The following UNC5C variants were observed in gnomAD, a reference collection of about 807,000 sequenced individuals.
UNC5C encodes the protein netrin receptor UNC5C.
In UNC5C, 47 loss-of-function variants were observed where a neutral mutation model predicts 99.8. The observed-to-expected ratio is 0.47, with a 90% CI of 0.37 to 0.60. The LOEUF is 0.60. UNC5C is among the 20% of genes least tolerant of loss of function. The probability of loss-of-function intolerance (pLI) is 0.00; values close to 1 mark genes in which losing one functional copy is unlikely to be tolerated. For synonymous variants in UNC5C, 487 were observed against 452.2 expected, an observed-to-expected ratio of 1.08 and a Z score of -0.98; for missense variants, 1,062 against 1,165.9, an observed-to-expected ratio of 0.91 and a Z score of 1.30.
chr4:95,397,263 A>T (rs1338482275), intron 1 of UNC5C, among the ~76,000 whole-genome samples: 1 of 152,266 alleles, frequency 6.6e-6, no homozygotes, highest in Non-Finnish European at 1.5e-5. Context: ...TGCTTTACAC[A>T]AAACAAAAAT....
chr4:95,243,406 T>G (rs1739394757), intron 6 of UNC5C, among the ~76,000 whole-genome samples: 1 of 152,150 alleles, frequency 6.6e-6, no homozygotes, highest in Admixed American at 6.5e-5. Context: ...TGAAAAAAGA[T>G]ATAGTAAATT....
intron 1 of UNC5C, among the ~76,000 whole-genome samples, chr4:95,449,797 T>C (rs866885686): frequency 6.6e-6 from 1 of 152,240 alleles, no homozygotes; most frequent in Non-Finnish European, 1.5e-5. Context: ...CTTATATTTA[T>C]TGAAACAATA....
At chr4:95,320,628 A>T (rs1230727306) in intron 2 of UNC5C, among the ~76,000 whole-genome samples, 1 of 152,204 alleles carries the variant, frequency 6.6e-6, no homozygotes, top group Non-Finnish European at 1.5e-5. Flanking sequence ...CTATAGCAAC[A>T]CAATCACTAA....
At chr4:95,541,379 T>A (rs1722915368) in intron 1 of UNC5C, among the ~76,000 whole-genome samples, 1 of 152,122 alleles carries the variant, frequency 6.6e-6, no homozygotes, top group Admixed American at 6.5e-5. Flanking sequence ...AAAAAAGCAG[T>A]GTAGATGGGA....
chr4:95,544,264 TG>T (rs997277383), intron 1 of UNC5C, among the ~76,000 whole-genome samples: 13 of 152,296 alleles, frequency 8.5e-5, no homozygotes, highest in African/African-American at 3.1e-4. Flanking sequence ...ACTGACAGAA[TG>T]GGCATACACC....
Position 95,165,120 on chromosome 4 carries a change from A to C in UNC5C, c.*4114T>G, listed in dbSNP as rs1401749187. ...AGCCTTGTTGCTCTTTGCCAGGAGA[A>C]GTGAAAAGTCTTGATTCCACCCTCA... On this transcript the variant is annotated 3_prime_UTR_variant, in exon 16 of 16. Coordinates refer to ENST00000453304, the MANE Select transcript of UNC5C (RefSeq NM_003728.4). 1 of 152,226 alleles carries C rather than the reference A, an allele frequency of 6.6e-6. No homozygotes were observed. Among genetic ancestry groups the C allele is most frequent in the Non-Finnish European group, 1.5e-5 (1 of 68,040 alleles). The allele number at this position is 152,226 out of a possible 1,614,324, so 9.4% of individuals were successfully genotyped here.
At chr4:95,302,323 G>A (rs1741910718) in intron 2 of UNC5C, among the ~76,000 whole-genome samples, 1 of 152,164 alleles carries the variant, frequency 6.6e-6, no homozygotes, top group African/African-American at 2.4e-5. Flanking sequence ...TAGTTTGAAA[G>A]CCCAAAATGT....
At chr4:95,407,473 A>C (rs1324671830) in intron 1 of UNC5C, among the ~76,000 whole-genome samples, 1 of 152,016 alleles carries the variant, frequency 6.6e-6, no homozygotes, top group Non-Finnish European at 1.5e-5. Context: ...TGAAGCTAAA[A>C]CCAATCATGC....
At chr4:95,535,882 A>C (rs1215387873) in intron 1 of UNC5C, among the ~76,000 whole-genome samples, 2 of 151,998 alleles carry the variant, frequency 1.3e-5, no homozygotes, top group Non-Finnish European at 1.5e-5. Flanking sequence ...TTAAAGAAAG[A>C]TTGAGCTGGA....
At chr4:95,512,769 T>G (rs2149487866) in intron 1 of UNC5C, among the ~76,000 whole-genome samples, 1 of 152,314 alleles carries the variant, frequency 6.6e-6, no homozygotes, top group South Asian at 2.1e-4. Flanking sequence ...GAGACAAGTT[T>G]ATATGTTTGT....
chr4:95,184,806 G>A (rs1345291899), intron 13 of UNC5C, among the ~76,000 whole-genome samples: 1 of 152,184 alleles, frequency 6.6e-6, no homozygotes, highest in African/African-American at 2.4e-5. Context: ...GGATTTGGAA[G>A]CCTTTCATTT....
In UNC5C at chr4:95,534,211, G is replaced by A. The variant is rs1317307730; in HGVS notation, c.124+14523C>T. ...AATCAGTTTTATAGACCTACTTAAA[G>A]TGTTTCCTGTGGGGGTATCATCCTG... On this transcript the variant is annotated intron_variant, in intron 1 of 15. Transcript: ENST00000453304. 2.6e-5 allele frequency among the ~76,000 whole-genome samples: 4 copies of A among 152,268 alleles called. No individual in the cohort carries two copies. In the East Asian group the frequency reaches 5.8e-4, roughly 22 times the overall value.
chr4:95,310,641 G>T (rs1054607117), intron 2 of UNC5C, among the ~76,000 whole-genome samples: 3 of 152,094 alleles, frequency 2.0e-5, no homozygotes, highest in Admixed American at 1.3e-4. Context: ...CAAGGGATTT[G>T]CTTGGAAGCA....
At chr4:95,240,028 T>C (rs1007248264) in intron 7 of UNC5C, among the ~76,000 whole-genome samples, 1 of 152,214 alleles carries the variant, frequency 6.6e-6, no homozygotes, top group Non-Finnish European at 1.5e-5. Context: ...TTGTAGTTCT[T>C]ACCTGGTTCA....
intron 1 of UNC5C, among the ~76,000 whole-genome samples, chr4:95,547,030 C>T (rs1198174480): frequency 6.6e-6 from 1 of 151,804 alleles, no homozygotes; most frequent in African/African-American, 2.4e-5. Context: ...CACGACTATT[C>T]ATAAGGTTGT....
In UNC5C at chr4:95,215,124, T is replaced by C. The variant is rs563025019; in HGVS notation, c.1733+1000A>G. ...ACCTGAGAGCATAATACAAAAGCTT[T>C]ATGGCTAGTGAAGAACAAGGCTAAA... On this transcript the variant is annotated intron_variant, in intron 10 of 15. Coordinates refer to ENST00000453304, the MANE Select transcript of UNC5C (RefSeq NM_003728.4). Among the ~76,000 whole-genome samples, 7 of 152,308 alleles carry C rather than the reference T, an allele frequency of 4.6e-5. No individual in the cohort carries two copies. The East Asian group carries it at 1.4e-3, about 29-fold the overall frequency.
chr4:95,225,696 C>G (rs1738658799), intron 7 of UNC5C, among the ~76,000 whole-genome samples: 1 of 152,118 alleles, frequency 6.6e-6, no homozygotes, highest in Admixed American at 6.5e-5. Context: ...TCCTCACAGG[C>G]AATTAGGACC....
rs566082227 is a variant in UNC5C at position 95,494,483 on chromosome 4, C to G, written c.124+54251G>C. Among the ~76,000 whole-genome samples, 8 of 151,528 alleles carry G rather than the reference C, an allele frequency of 5.3e-5. No individual in the cohort carries two copies. In the South Asian group the frequency reaches 1.7e-3, roughly 32 times the overall value. ...TCAGATCTTGTTGTCCTCCCCACCC[C>G]TTAAGTATAGCCAACAGAATTCAAT... On this transcript the variant is annotated intron_variant, in intron 1 of 15. Coordinates refer to ENST00000453304, the MANE Select transcript of UNC5C (RefSeq NM_003728.4).
intron 1 of UNC5C, among the ~76,000 whole-genome samples, chr4:95,477,358 T>C (rs1720954988): frequency 6.6e-6 from 1 of 152,054 alleles, no homozygotes; most frequent in Non-Finnish European, 1.5e-5. Context: ...TGAAGAGATT[T>C]CTGATTTCCA....
Sources: gnomAD v4.1 joint callset for allele counts (sites outside exome capture counted in the v4.1 genomes callset) on GRCh38, gnomAD v4.1.1 for gene constraint, MANE v1.5 for transcripts, NCBI Gene and HGNC (gene_info 2026-07-23, HGNC 2026-07-21) for gene names.